The following SLC35E1 variants were observed in gnomAD, a reference collection of about 807,000 sequenced individuals.
The protein encoded by SLC35E1 is solute carrier family 35 member E1.
In SLC35E1, 12 loss-of-function variants were observed where a neutral mutation model predicts 31.0. The ratio of observed to expected loss-of-function variants is 0.39; its 90% confidence interval spans 0.25 to 0.63. SLC35E1 has a LOEUF of 0.63. SLC35E1 is among the 20% of genes least tolerant of loss of function. The pLI is 0.52. For synonymous variants in SLC35E1, 257 were observed against 264.1 expected, an observed-to-expected ratio of 0.97 and a Z score of 0.26; for missense variants, 429 against 572.2, an observed-to-expected ratio of 0.75 and a Z score of 2.55.
Position 16,551,777 on chromosome 19 carries a change from CAG to C in SLC35E1, c.*1900_*1901del, listed in dbSNP as rs1317895051. The C allele has an allele frequency of 2.3e-5, 3 of 128,414 alleles. No homozygotes were observed. The highest frequency in any genetic ancestry group is 6.0e-5 in the African/African-American group (2 of 33,308). 8.0% of individuals were successfully genotyped at this position (128,414 alleles called of 1,614,324 possible). A position where few individuals can be genotyped will look rare whatever the true frequency, so the allele number is the denominator to read the frequency against. On this transcript the variant is annotated 3_prime_UTR_variant, in exon 6 of 6. Coordinates refer to ENST00000595753, the MANE Select transcript of SLC35E1 (RefSeq NM_024881.5). Reference sequence around the variant, plus strand: ...CTTTTTTTTTTTTTTTTTTTTGAGACAGAGTCTCACTCTGTCACCAAGGCTGG... The same window carrying C: ...CTTTTTTTTTTTTTTTTTTTTGAGACAGTCTCACTCTGTCACCAAGGCTGG...
In SLC35E1 at chr19:16,550,043, A is replaced by G. The variant is rs540547830; in HGVS notation, c.*3636T>C. The G allele has an allele frequency of 1.3e-5, 2 of 152,336 alleles. No individual in the cohort carries two copies. Among genetic ancestry groups the G allele is most frequent in the East Asian group, 3.9e-4 (2 of 5,188 alleles). The allele number at this position is 152,336 out of a possible 1,614,324, so 9.4% of individuals were successfully genotyped here. ...ATTGGGGTCTGGTAATGTCCCAGCT[A>G]TAGCAAAGGGCCTGTTGGGTGACAT... is the stretch of plus-strand genomic sequence containing the variant. On this transcript the variant is annotated 3_prime_UTR_variant, in exon 6 of 6. Coordinates refer to ENST00000595753, the MANE Select transcript of SLC35E1 (RefSeq NM_024881.5).
At chr19:16,563,844 C>T (rs1331838714) in intron 4 of SLC35E1, among the ~76,000 whole-genome samples, 1 of 152,162 alleles carries the variant, frequency 6.6e-6, no homozygotes, top group African/African-American at 2.4e-5. Context: ...AATGCTCATT[C>T]TGAAGCAATT....
intron 4 of SLC35E1, chr19:16,565,342 C>T: frequency 1.2e-5 from 4 of 343,382 alleles, no homozygotes; most frequent in Non-Finnish European, 2.3e-5. Flanking sequence ...TCCCAAGTGG[C>T]TGGGATTACA....
At chr19:16,568,193 G>T in intron 2 of SLC35E1, 24 bp from the exon 3 acceptor site, 2 of 1,596,018 alleles carry the variant, frequency 1.3e-6, no homozygotes, top group South Asian at 1.1e-5. Context: ...TCATCAAGAA[G>T]GGCTCACAGG....
chr19:16,556,168 G>T (rs1315176152), intron 4 of SLC35E1, among the ~76,000 whole-genome samples: 1 of 151,908 alleles, frequency 6.6e-6, no homozygotes, highest in African/African-American at 2.4e-5. Flanking sequence ...AGCTGAGATT[G>T]CACCACTGCA....
chr19:16,555,686 T>G lies in SLC35E1; in HGVS notation c.757-289A>C. ...ACCAAGCAAGACGTAAGCCAAAGCC[T>G]TCCCTGGCAGTGAACAGCCAGGAAC... On this transcript the variant is annotated intron_variant, in intron 4 of 5. Coordinates refer to ENST00000595753, the MANE Select transcript of SLC35E1 (RefSeq NM_024881.5). The surrounding 1 kb of genome is among the most constrained non-coding windows in gnomAD (Gnocchi z 4.1). 2.5e-6 allele frequency: 1 copy of G among 394,294 alleles called. No individual in the cohort carries two copies. The highest frequency in any genetic ancestry group is 4.7e-6 in the Non-Finnish European group (1 of 213,538). The allele number at this position is 394,294 out of a possible 1,614,324, so 24.4% of individuals were successfully genotyped here.
chr19:16,572,353 G>T lies in SLC35E1; in HGVS notation c.12C>A (p.Ala4=), dbSNP rs1055714318. 1.1e-4 allele frequency: 118 copies of T among 1,034,538 alleles called. No homozygotes were observed. Among genetic ancestry groups the T allele is most frequent in the Admixed American group, 2.3e-4 (4 of 17,366 alleles). The allele number at this position is 1,034,538 out of a possible 1,614,324, so 64.1% of individuals were successfully genotyped here. A position where few individuals can be genotyped will look rare whatever the true frequency, so the allele number is the denominator to read the frequency against. ...CCGCGCCGTGGCCCGCGCCCACCGC[G>T]GCCGCCGCCATCCTGCCCGAGCGGC... The part of the protein sequence containing the change: MAA[A]AVGAGHGAGG... Residue 4 remains alanine, a synonymous_variant, in exon 1 of 6, where the codon GCC becomes GCA. Coordinates refer to ENST00000595753, the MANE Select transcript of SLC35E1 (RefSeq NM_024881.5). The surrounding 1 kb of genome is among the most constrained non-coding windows in gnomAD (Gnocchi z 4.1).
chr19:16,554,819 C>CG (rs1163922973), intron 5 of SLC35E1, among the ~76,000 whole-genome samples: 10 of 98,940 alleles, frequency 1.0e-4, no homozygotes, highest in South Asian at 6.5e-4. Context: ...GACTCCATCT[C>CG]GAAAAAAAAA....
At chr19:16,556,084 G>C (rs2085873747) in intron 4 of SLC35E1, among the ~76,000 whole-genome samples, 1 of 152,168 alleles carries the variant, frequency 6.6e-6, no homozygotes, top group African/African-American at 2.4e-5. Flanking sequence ...GTGTGGTGTG[G>C]TGTGGTGGCG....
intron 5 of SLC35E1, 80 bp from the exon 6 acceptor site, chr19:16,553,989 C>T (rs1421715284): frequency 1.6e-6 from 2 of 1,286,052 alleles, no homozygotes; most frequent in Admixed American, 2.6e-5. Context: ...AACTGGCTGG[C>T]TGCGGTGGCT....
At chr19:16,563,273 G>A (rs1303747457) in intron 4 of SLC35E1, among the ~76,000 whole-genome samples, 2 of 151,756 alleles carry the variant, frequency 1.3e-5, no homozygotes, top group African/African-American at 4.8e-5. Flanking sequence ...GCAGTGAGCC[G>A]AGAACATGCC....
intron 4 of SLC35E1, among the ~76,000 whole-genome samples, chr19:16,563,845 T>G (rs1468996474): frequency 6.6e-6 from 1 of 152,232 alleles, no homozygotes; most frequent in Non-Finnish European, 1.5e-5. Context: ...ATGCTCATTC[T>G]GAAGCAATTA....
chr19:16,567,096 G>A (rs1378663783), intron 3 of SLC35E1, among the ~76,000 whole-genome samples: 2 of 152,202 alleles, frequency 1.3e-5, no homozygotes, highest in East Asian at 3.8e-4. Flanking sequence ...ACATTACAAT[G>A]AAAAGTTGGA....
Position 16,572,380 on chromosome 19 carries a change from G to C in SLC35E1, c.-16C>G, listed in dbSNP as rs1171752623. 2.0e-6 allele frequency: 2 copies of C among 996,710 alleles called. No homozygotes were observed. The allele number at this position is 996,710 out of a possible 1,614,324, so 61.7% of individuals were successfully genotyped here. On this transcript the variant is annotated 5_prime_UTR_variant, in exon 1 of 6. Coordinates refer to ENST00000595753, the MANE Select transcript of SLC35E1 (RefSeq NM_024881.5). This position sits in a 1 kb window ranked among gnomAD's most constrained non-coding sequence, Gnocchi z 4.1. ...CCGCCGCCATCCTGCCCGAGCGGCCGCCCCTTCCAGCCCGTCCGACGGCCC... is the reference window on the plus strand; with the variant it reads ...CCGCCGCCATCCTGCCCGAGCGGCCCCCCCTTCCAGCCCGTCCGACGGCCC...
chr19:16,559,599 G>C (rs2085894512), intron 4 of SLC35E1, among the ~76,000 whole-genome samples: 1 of 152,106 alleles, frequency 6.6e-6, no homozygotes, highest in Admixed American at 6.6e-5. Flanking sequence ...GTGGCAGTGA[G>C]CTGTGATTGT....
In SLC35E1 at chr19:16,568,016, G is replaced by A. The variant is rs909700336; in HGVS notation, c.630+16C>T. The A allele has an allele frequency of 2.3e-5, 37 of 1,600,786 alleles. No homozygotes were observed. The highest frequency in any genetic ancestry group is 3.4e-5 in the Admixed American group (2 of 58,742). On this transcript the variant is annotated intron_variant, in intron 3 of 5. Transcript: ENST00000595753. ...CCCTGAAACCCCATGCATGTCCGCT[G>A]ATGGTGACCAAATACCTTTTTGGAG...
intron 3 of SLC35E1, among the ~76,000 whole-genome samples, chr19:16,567,816 AGT>A (rs2085939470): frequency 6.6e-6 from 1 of 152,212 alleles, no homozygotes; most frequent in Admixed American, 6.5e-5. Flanking sequence ...GGCCTCCCAA[AGT>A]GCTGGGATTA....
intron 4 of SLC35E1, among the ~76,000 whole-genome samples, chr19:16,563,802 TC>T (rs1226591301): frequency 6.6e-6 from 1 of 152,152 alleles, no homozygotes; most frequent in African/African-American, 2.4e-5. Context: ...ACTAACCTTT[TC>T]TCAGCACTCC....
At position 16,566,337 on chromosome 19, in the gene SLC35E1, A is replaced by G. The variant is rs979715127; in HGVS notation, c.756+195T>C. Reference sequence around the variant, plus strand: ...GGGATCAAGCACACCAGAGAAGGAAATACACAGGAAACCCACTTCCTCGAT... The same window carrying G: ...GGGATCAAGCACACCAGAGAAGGAAGTACACAGGAAACCCACTTCCTCGAT... On this transcript the variant is annotated intron_variant, in intron 4 of 5. Transcript: ENST00000595753. 6.0e-6 allele frequency: 4 copies of G among 667,158 alleles called. No homozygotes were observed. The African/African-American group carries it at 7.3e-5, about 12-fold the overall frequency. 41.3% of individuals were successfully genotyped at this position (667,158 alleles called of 1,614,324 possible).
Sources: allele counts gnomAD v4.1 joint callset (sites outside exome capture counted in the v4.1 genomes callset), GRCh38; gene constraint gnomAD v4.1.1; non-coding constraint Gnocchi (gnomAD v3.1); transcripts MANE v1.5; gene names NCBI Gene and HGNC (gene_info 2026-07-23, HGNC 2026-07-21).